ITPKB: variants seen among roughly 807,000 people sequenced by gnomAD.
ITPKB encodes inositol-trisphosphate 3-kinase B.
ITPKB carries 13 observed loss-of-function variants against 69.4 expected under a neutral mutation model. That is an observed-to-expected ratio of 0.19 (90% CI 0.12 to 0.30). ITPKB has a LOEUF of 0.30. ITPKB is among the 10% of genes least tolerant of loss of function. The pLI is 1.00. For missense variants in ITPKB, 1,240 were observed against 1,250.5 expected, an observed-to-expected ratio of 0.99 and a Z score of 0.13; for synonymous variants, 584 against 513.7, an observed-to-expected ratio of 1.14 and a Z score of -1.85.
intron 2 of ITPKB, among the ~76,000 whole-genome samples, chr1:226,655,197 A>G (rs149501629): frequency 6.6e-6 from 1 of 152,338 alleles, no homozygotes; most frequent in East Asian, 1.9e-4. Context: ...CCACTTACAA[A>G]ATGCTTTAGC....
chr1:226,707,228 C>T (rs1289782821), intron 2 of ITPKB: 4 of 414,336 alleles, frequency 9.7e-6, no homozygotes, highest in East Asian at 1.6e-4. Context: ...TGGAGTTTAG[C>T]TCTTTCGCCC....
At chr1:226,660,868 C>T (rs555063452) in intron 2 of ITPKB, among the ~76,000 whole-genome samples, 109 of 152,350 alleles carry the variant, frequency 7.2e-4, no homozygotes, top group Non-Finnish European at 1.1e-3. Context: ...TGGGAAAGGG[C>T]GCCTGGGCTC....
At chr1:226,666,072 A>T (rs1031479332) in intron 2 of ITPKB, among the ~76,000 whole-genome samples, 4 of 152,200 alleles carry the variant, frequency 2.6e-5, no homozygotes, top group Non-Finnish European at 5.9e-5. Context: ...AAGAAATGAC[A>T]GACATGACCG....
chr1:226,728,058 T>C (rs1174014916), intron 2 of ITPKB, among the ~76,000 whole-genome samples: 1 of 152,130 alleles, frequency 6.6e-6, no homozygotes, highest in African/African-American at 2.4e-5. Flanking sequence ...ACGTGAGATG[T>C]TTTTCTACTT....
chr1:226,665,851 G>A lies in ITPKB; in HGVS notation c.1933-17080C>T, dbSNP rs78002079. 1.7e-3 allele frequency among the ~76,000 whole-genome samples: 255 copies of A among 152,336 alleles called. 2 individuals carry two copies. The highest frequency in any genetic ancestry group is 6.0e-3 in the African/African-American group (248 of 41,572). On this transcript the variant is annotated intron_variant, in intron 2 of 7. Coordinates refer to ENST00000429204, the MANE Select transcript of ITPKB (RefSeq NM_002221.4). ...GCAGCCACGGCCCAGCCCAGGTGAG[G>A]CGAGGAGACACTCACGGAAGCACCT...
chr1:226,698,873 A>T (rs12065094), intron 2 of ITPKB, among the ~76,000 whole-genome samples: 1 of 152,180 alleles, frequency 6.6e-6, no homozygotes, highest in Non-Finnish European at 1.5e-5. Context: ...ACCCTCTCCA[A>T]CCTGTTGCAC....
At chr1:226,732,235 T>C (rs1165215302) in intron 2 of ITPKB, among the ~76,000 whole-genome samples, 1 of 151,972 alleles carries the variant, frequency 6.6e-6, no homozygotes, top group East Asian at 1.9e-4. Context: ...GTGTTTTTTG[T>C]TTTTGTTTTT....
intron 6 of ITPKB, among the ~76,000 whole-genome samples, chr1:226,638,910 G>A (rs1002705202): frequency 1.3e-5 from 2 of 151,948 alleles, no homozygotes. Context: ...GGCTAAGGGA[G>A]AGTCAGTGAG....
At chr1:226,706,441 G>A (rs1019469752) in intron 2 of ITPKB, among the ~76,000 whole-genome samples, 12 of 152,170 alleles carry the variant, frequency 7.9e-5, no homozygotes, top group African/African-American at 2.4e-4. Flanking sequence ...AAGTCTTTGG[G>A]TTCCAAACCT....
At chr1:226,656,153 C>T (rs1428138758) in intron 2 of ITPKB, among the ~76,000 whole-genome samples, 5 of 152,226 alleles carry the variant, frequency 3.3e-5, no homozygotes, top group Non-Finnish European at 5.9e-5. Flanking sequence ...ATTGCCCCTC[C>T]TGGGTGCTTC....
intron 2 of ITPKB, among the ~76,000 whole-genome samples, chr1:226,724,495 C>A (rs3768411): frequency 0.15 from 23,034 of 152,158 alleles, 1,909 homozygotes; most frequent in East Asian, 0.32. Flanking sequence ...TTGTATCGAG[C>A]ATTTAGTATG....
intron 2 of ITPKB, among the ~76,000 whole-genome samples, chr1:226,649,779 A>G (rs914385363): frequency 6.6e-6 from 1 of 152,178 alleles, no homozygotes; most frequent in African/African-American, 2.4e-5. Context: ...CATTTATACA[A>G]CTACTTGAAA....
At chr1:226,687,273 C>T (rs1391291485) in intron 2 of ITPKB, among the ~76,000 whole-genome samples, 1 of 152,082 alleles carries the variant, frequency 6.6e-6, no homozygotes, top group South Asian at 2.1e-4. Context: ...GATATAGAAC[C>T]GTAAGTTATT....
At chr1:226,692,564 A>T (rs1656383245) in intron 2 of ITPKB, among the ~76,000 whole-genome samples, 1 of 152,214 alleles carries the variant, frequency 6.6e-6, no homozygotes, top group African/African-American at 2.4e-5. Flanking sequence ...CTACACTGCC[A>T]CAGAACAGCT....
At chr1:226,723,123 C>T (rs1421326818) in intron 2 of ITPKB, among the ~76,000 whole-genome samples, 2 of 152,186 alleles carry the variant, frequency 1.3e-5, no homozygotes, top group Non-Finnish European at 2.9e-5. Flanking sequence ...CCAGTAGGCC[C>T]TCCTGGGACT....
chr1:226,645,024 G>A (rs1340304389), intron 4 of ITPKB, among the ~76,000 whole-genome samples: 7 of 152,248 alleles, frequency 4.6e-5, no homozygotes. Flanking sequence ...AGCAAGCCTG[G>A]TGCAGAACTG....
intron 2 of ITPKB, among the ~76,000 whole-genome samples, chr1:226,708,821 A>G (rs552418542): frequency 1.3e-5 from 2 of 152,402 alleles, no homozygotes; most frequent in African/African-American, 4.8e-5. Context: ...GTTTTCTGAT[A>G]CTTGCAGCTG....
chr1:226,634,794 C>T lies in ITPKB; in HGVS notation c.2718G>A (p.Glu906=), dbSNP rs1346562481. ...IDFGKTTPLP[E]GQTLQHDVPW... is the part of the protein sequence containing the mutation. ...GGACGTCATGCTGCAGGGTCTGGCC[C>T]TCAGGCAGGGGCGTGGTTTTCCCAA... The change falls in exon 8 of 8, where the codon GAG becomes GAA. Residue 906 remains glutamate, a synonymous_variant. Transcript: ENST00000429204. This position sits in a 1 kb window ranked among gnomAD's most constrained non-coding sequence, Gnocchi z 6.3. 2 of 1,602,336 alleles carry T rather than the reference C, an allele frequency of 1.2e-6. No individual in the cohort carries two copies. Among genetic ancestry groups the T allele is most frequent in the Non-Finnish European group, 1.7e-6 (2 of 1,169,370 alleles).
At chr1:226,711,408 AG>A (rs1558092889) in intron 2 of ITPKB, among the ~76,000 whole-genome samples, 57 of 75,566 alleles carry the variant, frequency 7.5e-4, no homozygotes, top group Non-Finnish European at 1.2e-3. Flanking sequence ...GTTTTGAAAG[AG>A]AGAGAGAGAG....
Sources: allele counts gnomAD v4.1 joint callset (sites outside exome capture counted in the v4.1 genomes callset), GRCh38; gene constraint gnomAD v4.1.1; non-coding constraint Gnocchi (gnomAD v3.1); transcripts MANE v1.5; gene names NCBI Gene and HGNC (gene_info 2026-07-23, HGNC 2026-07-21).